ATF2: variants seen among roughly 807,000 people sequenced by gnomAD.
ATF2 encodes the protein cyclic AMP-dependent transcription factor ATF-2.
ATF2 carries 24 observed loss-of-function variants against 60.6 expected under a neutral mutation model. The observed-to-expected ratio is 0.40, with a 90% confidence interval of 0.29 to 0.56. ATF2 has a LOEUF of 0.56. Among genes scored for constraint, ATF2 ranks in the 20% least tolerant of loss-of-function variants. ATF2 has a pLI of 0.54. For missense variants in ATF2, 433 were observed against 607.7 expected, an observed-to-expected ratio of 0.71 and a Z score of 3.02; for synonymous variants, 206 against 215.4, an observed-to-expected ratio of 0.96 and a Z score of 0.38.
chr2:175,104,173 A>T, intron 10 of ATF2, among the ~76,000 whole-genome samples: 1 of 152,114 alleles, frequency 6.6e-6, no homozygotes, highest in African/African-American at 2.4e-5. Flanking sequence ...TTACAAAAAC[A>T]TCCTATGTTA....
chr2:175,090,220 T>C (rs372080104), intron 12 of ATF2, among the ~76,000 whole-genome samples: 10 of 152,330 alleles, frequency 6.6e-5, no homozygotes, highest in African/African-American at 2.2e-4. Context: ...TCTATGGATT[T>C]ATTTATTCTG....
At chr2:175,116,539 C>CGG (rs1200035310) in intron 7 of ATF2, among the ~76,000 whole-genome samples, 41 of 151,930 alleles carry the variant, frequency 2.7e-4, no homozygotes, top group African/African-American at 9.2e-4. Flanking sequence ...TGGTGAGATA[C>CGG]CTATGCCCAT....
At chr2:175,082,083 C>T (rs1311392079) in intron 12 of ATF2, among the ~76,000 whole-genome samples, 1 of 152,166 alleles carries the variant, frequency 6.6e-6, no homozygotes, top group East Asian at 1.9e-4. Context: ...AATAATTTAG[C>T]AGACTTGGGC....
At chr2:175,075,914 G>C (rs940737129) in intron 13 of ATF2, among the ~76,000 whole-genome samples, 9 of 152,120 alleles carry the variant, frequency 5.9e-5, no homozygotes, top group South Asian at 2.1e-4. Context: ...TTTGCACCTT[G>C]CTTTTTTCAC....
intron 2 of ATF2, among the ~76,000 whole-genome samples, chr2:175,144,673 T>C (rs767460208): frequency 3.9e-5 from 6 of 152,054 alleles, no homozygotes; most frequent in Non-Finnish European, 1.5e-5. Flanking sequence ...CACTGGGAGA[T>C]AGATGAGTTG....
chr2:175,132,569 T>A (rs1349397127), intron 3 of ATF2: 4 of 152,250 alleles, frequency 2.6e-5, no homozygotes, highest in African/African-American at 9.6e-5. Flanking sequence ...TCATAAGAAA[T>A]AACCTTGCCA....
At chr2:175,105,815 A>G (rs1695616711) in intron 10 of ATF2, among the ~76,000 whole-genome samples, 1 of 152,214 alleles carries the variant, frequency 6.6e-6, no homozygotes, top group Non-Finnish European at 1.5e-5. Flanking sequence ...CAATGTAATT[A>G]AAATATAAAT....
chr2:175,085,560 A>C (rs1694103754), intron 12 of ATF2, among the ~76,000 whole-genome samples: 1 of 44,156 alleles, frequency 2.3e-5, no homozygotes, highest in African/African-American at 4.3e-5. Context: ...ACATACACAC[A>C]CACACACACA....
chr2:175,105,120 C>T (rs956134282), intron 10 of ATF2, among the ~76,000 whole-genome samples: 3 of 152,044 alleles, frequency 2.0e-5, no homozygotes, highest in Non-Finnish European at 4.4e-5. Flanking sequence ...TATAGCTTAG[C>T]GTGTTTAAGA....
At chr2:175,128,696 A>G (rs1043815225) in intron 4 of ATF2, among the ~76,000 whole-genome samples, 1 of 152,128 alleles carries the variant, frequency 6.6e-6, no homozygotes, top group Non-Finnish European at 1.5e-5. Flanking sequence ...AAATTAATAC[A>G]TTAGGATTCA....
intron 10 of ATF2, among the ~76,000 whole-genome samples, chr2:175,101,434 T>A (rs1574365022): frequency 6.6e-6 from 1 of 152,216 alleles, no homozygotes; most frequent in East Asian, 1.9e-4. Flanking sequence ...AGTGATAAAT[T>A]GGGGCTTTCA....
chr2:175,091,906 A>G (rs899649884), intron 12 of ATF2, among the ~76,000 whole-genome samples: 1 of 152,180 alleles, frequency 6.6e-6, no homozygotes, highest in Non-Finnish European at 1.5e-5. Flanking sequence ...GATAAAATAT[A>G]TTTCTTAATA....
intron 13 of ATF2, among the ~76,000 whole-genome samples, chr2:175,075,332 A>G (rs1156995433): frequency 6.6e-6 from 1 of 152,172 alleles, no homozygotes; most frequent in Non-Finnish European, 1.5e-5. Flanking sequence ...TTTTCCATCT[A>G]TTGCAGCCAT....
intron 2 of ATF2, among the ~76,000 whole-genome samples, chr2:175,141,555 C>G (rs1698537327): frequency 6.6e-6 from 1 of 151,996 alleles, no homozygotes; most frequent in African/African-American, 2.4e-5. Flanking sequence ...TGCAGTGGCG[C>G]AATCTCGGTT....
rs1199928185 is a variant in ATF2 at position 175,114,848 on chromosome 2, A to G, written c.468T>C (p.Thr156=). The G allele has an allele frequency of 6.2e-7, 1 of 1,613,106 alleles. No individual in the cohort carries two copies. Among genetic ancestry groups the G allele is most frequent in the Admixed American group, 1.7e-5 (1 of 59,954 alleles). ...GAACAATAGCTGATGTGGGCTGTGC[A>G]GTTTGTGCCAATGGTACTTCCTATT... is the stretch of plus-strand genomic sequence containing the variant. ...SDEKEVPLAQ[T]AQPTSAIVRP... The change falls in exon 8 of 14, where the codon ACT becomes ACC. Residue 156 remains threonine (T), a synonymous_variant. Transcript: ENST00000264110.
intron 10 of ATF2, among the ~76,000 whole-genome samples, chr2:175,101,179 G>A (rs1333154517): frequency 1.3e-5 from 2 of 152,098 alleles, no homozygotes; most frequent in Non-Finnish European, 2.9e-5. Context: ...CTAATTGATG[G>A]GATAATGTGG....
chr2:175,137,040 C>G (rs373815367), intron 2 of ATF2, among the ~76,000 whole-genome samples: 28 of 152,296 alleles, frequency 1.8e-4, no homozygotes, highest in African/African-American at 6.7e-4. Context: ...CTTATGGTCA[C>G]TGAAACCTCA....
chr2:175,112,909 C>T (rs1011232764), intron 9 of ATF2, among the ~76,000 whole-genome samples: 3 of 152,134 alleles, frequency 2.0e-5, no homozygotes, highest in Admixed American at 2.0e-4. Context: ...AAAAGCTACA[C>T]TGTAAATGAT....
rs765943326 is a variant in ATF2, at chr2:175,074,820, T to C, written c.1307A>G (p.Asp436Gly). The C allele has an allele frequency of 3.7e-6, 6 of 1,613,334 alleles. No homozygotes were observed. Among genetic ancestry groups the C allele is most frequent in the Non-Finnish European group, 5.1e-6 (6 of 1,179,628 alleles). ...KSGYHTADKD[D>G]SSEDISVPSS... ...CGGCACTGAAATGTCTTCTGAACTA[T>C]CATCTTTATCAGCAGCTGGGTGGAA... Residue 436 changes from aspartate to glycine, a missense_variant, in exon 14 of 14, where the codon GAT (aspartate) becomes GGT (glycine). Transcript: ENST00000264110.
Sources: allele counts gnomAD v4.1 joint callset (sites outside exome capture counted in the v4.1 genomes callset), GRCh38; gene constraint gnomAD v4.1.1; transcripts MANE v1.5; gene names NCBI Gene and HGNC (gene_info 2026-07-23, HGNC 2026-07-21).